The following ATP6V1H variants were observed in gnomAD, a reference collection of about 807,000 sequenced individuals.
ATP6V1H encodes ATPase H+ transporting V1 subunit H.
Under a neutral mutation model 71.7 loss-of-function variants are expected in ATP6V1H, and 39 were observed. The ratio of observed to expected loss-of-function variants is 0.54; its 90% CI spans 0.42 to 0.71. The LOEUF is 0.71. ATP6V1H is among the 30% of genes least tolerant of loss of function. The pLI is 0.00. For missense variants in ATP6V1H, 509 were observed against 594.9 expected (o/e 0.86, Z 1.50); for synonymous variants, 192 against 199.3 (o/e 0.96, Z 0.31).
chr8:53,810,548 T>C (rs927129358), intron 7 of ATP6V1H, among the ~76,000 whole-genome samples: 85 of 152,304 alleles, frequency 5.6e-4, no homozygotes, highest in African/African-American at 2.0e-3. Flanking sequence ...GACACCATTC[T>C]GGCCAACTTG....
chr8:53,738,454 C>A (rs981754902), intron 13 of ATP6V1H, among the ~76,000 whole-genome samples: 1 of 152,200 alleles, frequency 6.6e-6, no homozygotes, highest in African/African-American at 2.4e-5. Context: ...CCTCTCCTTA[C>A]TAGACCAGGC....
chr8:53,773,761 A>T, intron 9 of ATP6V1H, among the ~76,000 whole-genome samples: 1 of 151,700 alleles, frequency 6.6e-6, no homozygotes, highest in East Asian at 1.9e-4. Flanking sequence ...AGCAATTATT[A>T]TAAAAATCCT....
intron 4 of ATP6V1H, among the ~76,000 whole-genome samples, chr8:53,827,011 A>G (rs1273463163): frequency 2.6e-5 from 4 of 151,776 alleles, no homozygotes; most frequent in Non-Finnish European, 4.4e-5. Context: ...ATGGGCTAGG[A>G]TTAGTGACAT....
At chr8:53,772,913 A>C (rs1179556574) in intron 9 of ATP6V1H, among the ~76,000 whole-genome samples, 5 of 151,548 alleles carry the variant, frequency 3.3e-5, no homozygotes, top group Admixed American at 1.3e-4. Flanking sequence ...CAAAAAAAAA[A>C]AAAAAAAAAC....
At position 53,785,952 on chromosome 8, in the gene ATP6V1H, C is replaced by T. The variant is rs1221478765; in HGVS notation, c.870+9695G>A. On this transcript the variant is annotated intron_variant, in intron 9 of 13. Transcript: ENST00000359530. ...GTGAGGTGTCAGTCCACCCTTACTGCGGGATGCCTCCCAGTTAGGCTACTC... is the reference window on the plus strand; with the variant it reads ...GTGAGGTGTCAGTCCACCCTTACTGTGGGATGCCTCCCAGTTAGGCTACTC... Among the ~76,000 whole-genome samples, 7 of 152,300 alleles carry T rather than the reference C, an allele frequency of 4.6e-5. No individual in the cohort carries two copies. The East Asian group carries it at 7.7e-4, about 17-fold the overall frequency.
At chr8:53,730,306 G>A (rs1223078671) in intron 13 of ATP6V1H, among the ~76,000 whole-genome samples, 1 of 152,060 alleles carries the variant, frequency 6.6e-6, no homozygotes, top group African/African-American at 2.4e-5. Flanking sequence ...AACTATTCTT[G>A]GAGAAGAACA....
At chr8:53,835,411 C>A (rs1284303477) in intron 2 of ATP6V1H, among the ~76,000 whole-genome samples, 4 of 152,178 alleles carry the variant, frequency 2.6e-5, no homozygotes. Flanking sequence ...ACTGTCCCCT[C>A]CCCAAGAGAA....
chr8:53,729,908 C>A (rs1806958377), intron 13 of ATP6V1H, among the ~76,000 whole-genome samples: 1 of 152,148 alleles, frequency 6.6e-6, no homozygotes, highest in Admixed American at 6.5e-5. Flanking sequence ...GGCCAATGAA[C>A]AGGCCAGGCA....
At chr8:53,835,853 T>G (rs895046078) in intron 2 of ATP6V1H, among the ~76,000 whole-genome samples, 3 of 152,134 alleles carry the variant, frequency 2.0e-5, no homozygotes, top group Non-Finnish European at 2.9e-5. Flanking sequence ...TCATCTTCAC[T>G]GCCTCCTGTG....
Position 53,841,677 on chromosome 8 carries a change from T to C in ATP6V1H, c.14A>G (p.Asp5Gly), listed in dbSNP as rs370531478. 2.5e-6 allele frequency: 4 copies of C among 1,613,738 alleles called. No individual in the cohort carries two copies. Among genetic ancestry groups the C allele is most frequent in the African/African-American group, 2.7e-5 (2 of 75,036 alleles). ...AGCAGCATCCACAGCACCTCGGATATCCATTTTGGTCATCTAAACTTCGTA... is the reference window on the plus strand; with the variant it reads ...AGCAGCATCCACAGCACCTCGGATACCCATTTTGGTCATCTAAACTTCGTA... MTKM[D>G]IRGAVDAAVP... The change falls in exon 2 of 14, where the codon GAT (aspartate) becomes GGT (glycine). Residue 5 changes from aspartate to glycine, a missense_variant. Around this residue, in one of 2 missense-constraint regions of ATP6V1H, gnomAD observed 297 missense variants for 303.3 expected, o/e 0.98. Coordinates refer to ENST00000359530, the MANE Select transcript of ATP6V1H (RefSeq NM_015941.4).
chr8:53,778,606 A>G (rs977351681), intron 9 of ATP6V1H, among the ~76,000 whole-genome samples: 2 of 152,154 alleles, frequency 1.3e-5, no homozygotes, highest in African/African-American at 4.8e-5. Context: ...AAGTAAAATG[A>G]AATTTTTTAA....
chr8:53,790,278 G>C (rs577083510), intron 9 of ATP6V1H, among the ~76,000 whole-genome samples: 1 of 151,988 alleles, frequency 6.6e-6, no homozygotes, highest in African/African-American at 2.4e-5. Flanking sequence ...ACACACTTGC[G>C]TTCCAAAAGA....
chr8:53,793,846 C>T (rs1310003758), intron 9 of ATP6V1H, among the ~76,000 whole-genome samples: 2 of 151,898 alleles, frequency 1.3e-5, no homozygotes, highest in African/African-American at 2.4e-5. Context: ...GGCTGAGGCA[C>T]GAGAAACGCT....
At chr8:53,784,005 G>T (rs1238013421) in intron 9 of ATP6V1H, among the ~76,000 whole-genome samples, 1 of 152,234 alleles carries the variant, frequency 6.6e-6, no homozygotes, top group Non-Finnish European at 1.5e-5. Flanking sequence ...GTGCTGAAAA[G>T]AAAGTATATT....
intron 9 of ATP6V1H, among the ~76,000 whole-genome samples, chr8:53,772,981 A>C (rs1808727203): frequency 6.6e-6 from 1 of 150,672 alleles, no homozygotes; most frequent in South Asian, 2.1e-4. Context: ...TTCTTTTTAC[A>C]AGTAAGTTCT....
intron 13 of ATP6V1H, among the ~76,000 whole-genome samples, chr8:53,724,030 T>G (rs1802949024): frequency 6.6e-6 from 1 of 152,256 alleles, no homozygotes; most frequent in Admixed American, 6.5e-5. Flanking sequence ...CTAAGTAAGC[T>G]AACAAAAGTA....
At chr8:53,778,108 T>C (rs2130348734) in intron 9 of ATP6V1H, among the ~76,000 whole-genome samples, 1 of 152,262 alleles carries the variant, frequency 6.6e-6, no homozygotes, top group Non-Finnish European at 1.5e-5. Flanking sequence ...AAAGGATGTG[T>C]ATTGTGACTC....
intron 6 of ATP6V1H, 132 bp from the exon 7 acceptor site, chr8:53,811,349 T>C (rs1438044331): frequency 4.6e-6 from 3 of 648,214 alleles, no homozygotes; most frequent in East Asian, 2.9e-5. Context: ...ATTTTATTCC[T>C]AATCCTACTA....
chr8:53,773,063 G>A (rs1053477391), intron 9 of ATP6V1H, among the ~76,000 whole-genome samples: 15 of 152,074 alleles, frequency 9.9e-5, no homozygotes, highest in African/African-American at 3.6e-4. Context: ...TGAAATCAAT[G>A]CCCACCAATC....
Sources: allele counts gnomAD v4.1 joint callset (sites outside exome capture counted in the v4.1 genomes callset), GRCh38; gene constraint gnomAD v4.1.1; regional missense constraint gnomAD v4.1.1; transcripts MANE v1.5; gene names NCBI Gene and HGNC (gene_info 2026-07-23, HGNC 2026-07-21).